KIAA1217: variants seen among roughly 807,000 people sequenced by gnomAD.
The protein encoded by KIAA1217 is KIAA1217.
In KIAA1217, 88 loss-of-function variants were observed where a neutral mutation model predicts 163.9. That is an observed-to-expected ratio of 0.54 (90% CI 0.45 to 0.64). The LOEUF (loss-of-function observed/expected upper bound fraction) is 0.64, where lower values mean the gene tolerates loss of function less well. Ranked by LOEUF, KIAA1217 falls within the 30% of genes least tolerant of loss-of-function variation. The pLI is 0.00. For missense variants in KIAA1217, 2,372 were observed against 2,475.0 expected (o/e 0.96, Z 0.88); for synonymous variants, 903 against 923.1 (o/e 0.98, Z 0.39).
At chr10:24,067,075 G>A (rs1455924391) in intron 2 of KIAA1217, among the ~76,000 whole-genome samples, 1 of 151,890 alleles carries the variant, frequency 6.6e-6, no homozygotes, top group Non-Finnish European at 1.5e-5. Context: ...TAACTTCTTT[G>A]CCATTGGTTT....
chr10:24,076,747 T>C (rs2061379692), intron 2 of KIAA1217, among the ~76,000 whole-genome samples: 1 of 152,194 alleles, frequency 6.6e-6, no homozygotes, highest in African/African-American at 2.4e-5. Flanking sequence ...CTCTTTTTTA[T>C]GCTAAGAGAA....
At chr10:24,275,678 C>A (rs747179363) in intron 2 of KIAA1217, 3 of 504,414 alleles carry the variant, frequency 5.9e-6, no homozygotes, top group Non-Finnish European at 1.2e-5. Context: ...GCTTAAGATG[C>A]AGGCAAGATT....
At chr10:24,413,753 C>T (rs1308905339) in intron 3 of KIAA1217, among the ~76,000 whole-genome samples, 5 of 152,170 alleles carry the variant, frequency 3.3e-5, no homozygotes, top group South Asian at 2.1e-4. Flanking sequence ...CTACAAGTCT[C>T]GCTTCCACAC....
chr10:24,434,649 A>T (rs1277080023), intron 4 of KIAA1217, among the ~76,000 whole-genome samples: 1 of 152,144 alleles, frequency 6.6e-6, no homozygotes, highest in Non-Finnish European at 1.5e-5. Context: ...AAGCATCTTT[A>T]TTGTCATTTT....
At chr10:23,991,023 G>A (rs895869720) in intron 1 of KIAA1217, among the ~76,000 whole-genome samples, 1 of 152,180 alleles carries the variant, frequency 6.6e-6, no homozygotes, top group East Asian at 1.9e-4. Flanking sequence ...AGAGTTACAA[G>A]TGACTTTGTC....
chr10:24,180,349 C>CA, intron 2 of KIAA1217, among the ~76,000 whole-genome samples: 1 of 140,162 alleles, frequency 7.1e-6, no homozygotes, highest in East Asian at 2.1e-4. Context: ...TGCAGTGGCA[C>CA]AATCTCAGCT....
At chr10:24,063,616 A>G (rs1224754240) in intron 2 of KIAA1217, among the ~76,000 whole-genome samples, 1 of 152,090 alleles carries the variant, frequency 6.6e-6, no homozygotes, top group African/African-American at 2.4e-5. Context: ...TTGACTTGGC[A>G]ATGTGGGCTC....
At chr10:23,924,632 G>A (rs1319536991) in intron 1 of KIAA1217, among the ~76,000 whole-genome samples, 1 of 152,150 alleles carries the variant, frequency 6.6e-6, no homozygotes, top group Non-Finnish European at 1.5e-5. Flanking sequence ...AGCGAGCTGG[G>A]ACCACACCTT....
chr10:24,126,910 T>G (rs1341835730), intron 2 of KIAA1217, among the ~76,000 whole-genome samples: 1 of 152,140 alleles, frequency 6.6e-6, no homozygotes, highest in Non-Finnish European at 1.5e-5. Flanking sequence ...TCAGTTTGTA[T>G]CTTACCACAC....
chr10:24,444,436 G>T (rs557552112), intron 5 of KIAA1217, among the ~76,000 whole-genome samples: 1 of 152,288 alleles, frequency 6.6e-6, no homozygotes, highest in African/African-American at 2.4e-5. Context: ...GGGGCCTGTT[G>T]CACATTCGCA....
intron 1 of KIAA1217, among the ~76,000 whole-genome samples, chr10:23,842,855 C>G (rs781074268): frequency 1.1e-4 from 17 of 152,092 alleles, no homozygotes; most frequent in Non-Finnish European, 2.1e-4. Context: ...GGGAAGCACT[C>G]ACCTGTCACA....
At chr10:24,062,515 C>T (rs1468399483) in intron 2 of KIAA1217, among the ~76,000 whole-genome samples, 1 of 151,254 alleles carries the variant, frequency 6.6e-6, no homozygotes. Flanking sequence ...ATATGTGCCA[C>T]ATTTTCTTAA....
At chr10:23,816,431 T>A (rs1260169713) in intron 1 of KIAA1217, among the ~76,000 whole-genome samples, 1 of 146,952 alleles carries the variant, frequency 6.8e-6, no homozygotes, top group Non-Finnish European at 1.5e-5. Flanking sequence ...TAGCTGGGAT[T>A]ACAGGCACCT....
chr10:24,154,615 C>T (rs925695051), intron 2 of KIAA1217, among the ~76,000 whole-genome samples: 1 of 152,018 alleles, frequency 6.6e-6, no homozygotes, highest in Non-Finnish European at 1.5e-5. Context: ...TGACTCACAC[C>T]TATAATCCCA....
chr10:23,869,732 C>G (rs1207418293), intron 1 of KIAA1217, among the ~76,000 whole-genome samples: 1 of 152,042 alleles, frequency 6.6e-6, no homozygotes, highest in Non-Finnish European at 1.5e-5. Flanking sequence ...ACTGGTAAGA[C>G]AAGTACCACG....
chr10:24,389,628 A>T (rs1214940895), intron 3 of KIAA1217, among the ~76,000 whole-genome samples: 1 of 152,040 alleles, frequency 6.6e-6, no homozygotes, highest in East Asian at 1.9e-4. Flanking sequence ...TAGCATCAGA[A>T]CCAGCGCCCT....
chr10:23,944,484 A>G (rs1843926587), intron 1 of KIAA1217, among the ~76,000 whole-genome samples: 1 of 152,130 alleles, frequency 6.6e-6, no homozygotes, highest in African/African-American at 2.4e-5. Flanking sequence ...AAAAGCAACA[A>G]AAAATACACA....
At chr10:24,505,658 C>T (rs1164003781) in intron 9 of KIAA1217, among the ~76,000 whole-genome samples, 1 of 151,910 alleles carries the variant, frequency 6.6e-6, no homozygotes, top group Non-Finnish European at 1.5e-5. Context: ...GGATGGCGAC[C>T]TCCTACTTCT....
intron 2 of KIAA1217, among the ~76,000 whole-genome samples, chr10:24,136,463 A>AGAAAT (rs2063835837): frequency 6.6e-6 from 1 of 151,480 alleles, no homozygotes; most frequent in Non-Finnish European, 1.5e-5. Context: ...ATCTTTTATA[A>AGAAAT]GTTATTCTTA....
Sources: gnomAD v4.1 joint callset for allele counts (sites outside exome capture counted in the v4.1 genomes callset) on GRCh38, gnomAD v4.1.1 for gene constraint, MANE v1.5 for transcripts, NCBI Gene and HGNC (gene_info 2026-07-23, HGNC 2026-07-21) for gene names.